TMEM117: variants seen among roughly 807,000 people sequenced by gnomAD.
TMEM117 encodes transmembrane protein 117.
Under a neutral mutation model 52.4 loss-of-function variants are expected in TMEM117, and 27 were observed. The ratio of observed to expected loss-of-function variants is 0.51; its 90% confidence interval spans 0.38 to 0.71. The LOEUF (loss-of-function observed/expected upper bound fraction) is 0.71, where lower values mean the gene tolerates loss of function less well. Ranked by LOEUF, TMEM117 falls within the 30% of genes least tolerant of loss-of-function variation. The pLI is 0.00. For missense variants in TMEM117, 556 were observed against 630.5 expected (o/e 0.88, Z 1.26); for synonymous variants, 215 against 206.3 (o/e 1.04, Z -0.36).
chr12:43,816,125 A>C, the TMEM117 span, among the ~76,000 whole-genome samples: 2 of 152,186 alleles, frequency 1.3e-5, no homozygotes, highest in Non-Finnish European at 2.9e-5. Context: ...TTTGGCTATC[A>C]CTTCAAATGG....
intron 3 of TMEM117, among the ~76,000 whole-genome samples, chr12:44,143,212 G>C (rs1163979927): frequency 6.6e-6 from 1 of 152,186 alleles, no homozygotes; most frequent in African/African-American, 2.4e-5. Context: ...TCATACTTGA[G>C]TGAGCATGCA....
At chr12:44,336,650 T>C (rs1951344578) in intron 6 of TMEM117, among the ~76,000 whole-genome samples, 1 of 151,984 alleles carries the variant, frequency 6.6e-6, no homozygotes, top group African/African-American at 2.4e-5. Flanking sequence ...AGAAATCCAT[T>C]AGGCATTGGA....
At chr12:44,241,282 C>T (rs895892963) in intron 5 of TMEM117, among the ~76,000 whole-genome samples, 2 of 151,464 alleles carry the variant, frequency 1.3e-5, no homozygotes, top group South Asian at 2.1e-4. Flanking sequence ...AGATGTGGAG[C>T]CTGCACATAA....
rs551606106 is a variant in TMEM117, at chr12:44,380,779, C to T, written c.898+4055C>T. ...TTCCTTTCATCTGGCCAGAGATTGT[C>T]TTTCCTATTTAATTCAGAAATGTTG... On this transcript the variant is annotated intron_variant, in intron 7 of 7. Transcript: ENST00000266534. Among the ~76,000 whole-genome samples the T allele has an allele frequency of 5.9e-5, 9 of 152,276 alleles. No homozygotes were observed. The East Asian group carries it at 1.5e-3, about 26-fold the overall frequency.
chr12:44,266,308 G>A (rs139907697), intron 5 of TMEM117, among the ~76,000 whole-genome samples: 2 of 151,966 alleles, frequency 1.3e-5, no homozygotes, highest in African/African-American at 2.4e-5. Flanking sequence ...CGTCTGTCAC[G>A]TTTATTGTAA....
At chr12:44,015,252 G>A (rs1592442122) in intron 3 of TMEM117, among the ~76,000 whole-genome samples, 1 of 152,128 alleles carries the variant, frequency 6.6e-6, no homozygotes, top group Non-Finnish European at 1.5e-5. Flanking sequence ...GTCAGTCATT[G>A]TATCCATATT....
chr12:44,119,617 G>A (rs1446503581), intron 3 of TMEM117, among the ~76,000 whole-genome samples: 1 of 152,166 alleles, frequency 6.6e-6, no homozygotes, highest in East Asian at 1.9e-4. Context: ...GTGGCTTAGT[G>A]TGGTGACTCA....
chr12:44,323,308 A>G (rs978101976), intron 6 of TMEM117, among the ~76,000 whole-genome samples: 1 of 152,162 alleles, frequency 6.6e-6, no homozygotes, highest in Non-Finnish European at 1.5e-5. Context: ...TACAGCAGGA[A>G]TAGGAAACTA....
chr12:44,275,528 A>G (rs537187235), intron 5 of TMEM117, among the ~76,000 whole-genome samples: 41 of 152,248 alleles, frequency 2.7e-4, no homozygotes, highest in African/African-American at 9.4e-4. Flanking sequence ...CACAATAGCC[A>G]CGATTTGGAA....
At chr12:44,353,547 A>C (rs1272384481) in intron 6 of TMEM117, among the ~76,000 whole-genome samples, 1 of 152,070 alleles carries the variant, frequency 6.6e-6, no homozygotes, top group South Asian at 2.1e-4. Context: ...CATTTATTAA[A>C]TAGGGAATCC....
intron 3 of TMEM117, among the ~76,000 whole-genome samples, chr12:43,997,257 C>A (rs943410824): frequency 6.6e-6 from 1 of 152,182 alleles, no homozygotes; most frequent in Non-Finnish European, 1.5e-5. Context: ...TGGAACTTCT[C>A]TCTCCATGTG....
At chr12:44,310,041 C>G (rs1020953105) in intron 6 of TMEM117, among the ~76,000 whole-genome samples, 1 of 152,134 alleles carries the variant, frequency 6.6e-6, no homozygotes, top group African/African-American at 2.4e-5. Flanking sequence ...GATAGCATGA[C>G]AGTTTTTTCC....
chr12:44,019,203 T>A (rs926825158), intron 3 of TMEM117, among the ~76,000 whole-genome samples: 1 of 151,888 alleles, frequency 6.6e-6, no homozygotes, highest in Non-Finnish European at 1.5e-5. Flanking sequence ...AGCCATCTAG[T>A]GTGACCAGAC....
chr12:43,970,915 A>C (rs1267698933), intron 3 of TMEM117, among the ~76,000 whole-genome samples: 2 of 151,790 alleles, frequency 1.3e-5, no homozygotes, highest in East Asian at 3.9e-4. Flanking sequence ...TTTTCAGCTG[A>C]ATATCATACT....
the TMEM117 span, among the ~76,000 whole-genome samples, chr12:43,815,764 C>T: frequency 6.6e-6 from 1 of 152,332 alleles, no homozygotes; most frequent in East Asian, 1.9e-4. Flanking sequence ...CACACTTGCA[C>T]ACATGCAAAA....
At chr12:44,269,706 ATTATG>A (rs1205455694) in intron 5 of TMEM117, among the ~76,000 whole-genome samples, 3 of 151,992 alleles carry the variant, frequency 2.0e-5, no homozygotes, top group African/African-American at 7.2e-5. Context: ...TTATATTTAT[ATTATG>A]TTATATTTTT....
At chr12:43,864,593 C>T (rs1395586237) in intron 2 of TMEM117, among the ~76,000 whole-genome samples, 5 of 152,098 alleles carry the variant, frequency 3.3e-5, no homozygotes, top group African/African-American at 1.2e-4. Flanking sequence ...CCAGTTGACA[C>T]TGTATCTAGC....
chr12:43,935,899 C>T (rs1944944801), intron 2 of TMEM117, among the ~76,000 whole-genome samples: 1 of 152,124 alleles, frequency 6.6e-6, no homozygotes, highest in Non-Finnish European at 1.5e-5. Flanking sequence ...GGAAGGTTAT[C>T]CCAGGCAGAG....
chr12:43,897,030 G>A (rs896814553), intron 2 of TMEM117, among the ~76,000 whole-genome samples: 21 of 152,110 alleles, frequency 1.4e-4, no homozygotes, highest in Non-Finnish European at 2.6e-4. Flanking sequence ...GTGCCTATAA[G>A]ACAACTTTTT....
Sources: gnomAD v4.1 joint callset for allele counts (sites outside exome capture counted in the v4.1 genomes callset) on GRCh38, gnomAD v4.1.1 for gene constraint, MANE v1.5 for transcripts, NCBI Gene and HGNC (gene_info 2026-07-23, HGNC 2026-07-21) for gene names.